Variants in CHMP5 observed in about 807,000 individuals in gnomAD.
CHMP5 encodes the protein charged multivesicular body protein 5, also known as SNF7 domain containing 2.
A neutral mutation model predicts 33.0 loss-of-function variants in CHMP5; 17 were observed. The ratio of observed to expected loss-of-function variants is 0.52; its 90% CI spans 0.35 to 0.77. CHMP5 has a LOEUF of 0.77. CHMP5 is among the 30% of genes least tolerant of loss of function. The pLI, the probability that CHMP5 is intolerant of heterozygous loss-of-function variation, is 0.01. For missense variants in CHMP5, 216 were observed against 261.5 expected (o/e 0.83, Z 1.20); for synonymous variants, 76 against 90.2 (o/e 0.84, Z 0.89).
At chr9:33,278,268 G>A in intron 7 of CHMP5, 43 bp downstream of exon 7, 2 of 1,163,770 alleles carry the variant, frequency 1.7e-6, no homozygotes, top group African/African-American at 1.5e-5. Context: ...AAATAGCAAA[G>A]GCTTTATGCT....
Position 33,265,998 on chromosome 9 carries a change from T to C in CHMP5, c.70-12T>C. The stretch of plus-strand genomic sequence containing the variant: ...GCAGTAACTACCAGTGCATTTGATA[T>C]TTTCCCCTAAGGTGGACAGTAGAGC... On this transcript the variant is annotated splice_polypyrimidine_tract_variant and intron_variant, in intron 1 of 7. Transcript: ENST00000223500. 1 of 1,581,018 alleles carries C rather than the reference T, an allele frequency of 6.3e-7. No homozygotes were observed. The highest frequency in any genetic ancestry group is 8.7e-7 in the Non-Finnish European group (1 of 1,150,816).
intron 6 of CHMP5, 134 bp downstream of exon 6, chr9:33,276,698 G>A: frequency 1.7e-6 from 1 of 598,784 alleles, no homozygotes; most frequent in South Asian, 2.1e-5. Flanking sequence ...CTGTCCCTGG[G>A]CAAAGAGCTT....
At chr9:33,268,018 T>C in intron 3 of CHMP5, 119 bp downstream of exon 3, 2 of 718,770 alleles carry the variant, frequency 2.8e-6, no homozygotes, top group African/African-American at 1.8e-5. Flanking sequence ...CAAATTTTCA[T>C]TGACGTGTAA....
At chr9:33,279,697 AC>A (rs1820898904) in intron 7 of CHMP5, among the ~76,000 whole-genome samples, 1 of 151,880 alleles carries the variant, frequency 6.6e-6, no homozygotes, top group South Asian at 2.1e-4. Flanking sequence ...CCCCGTCTCT[AC>A]TAAAAATATA....
At chr9:33,278,466 T>A (rs1820881172) in intron 7 of CHMP5, among the ~76,000 whole-genome samples, 2 of 152,230 alleles carry the variant, frequency 1.3e-5, no homozygotes, top group African/African-American at 4.8e-5. Context: ...ACATACATGA[T>A]CACCCTTGTT....
chr9:33,276,669 T>G (rs1477920372), intron 6 of CHMP5, 105 bp downstream of exon 6: 1 of 674,146 alleles, frequency 1.5e-6, no homozygotes, highest in Non-Finnish European at 2.6e-6. Flanking sequence ...CAGGATTTCC[T>G]GAAGGTTAGT....
intron 5 of CHMP5, among the ~76,000 whole-genome samples, chr9:33,275,169 G>A (rs773901965): frequency 2.0e-5 from 3 of 152,144 alleles, no homozygotes; most frequent in Non-Finnish European, 2.9e-5. Flanking sequence ...TCAACCAAAC[G>A]AGGATCGAAA....
chr9:33,267,807 T>C (rs1431128157), intron 2 of CHMP5, 46 bp from the exon 3 acceptor site: 2 of 1,317,838 alleles, frequency 1.5e-6, no homozygotes, highest in African/African-American at 1.4e-5. Flanking sequence ...TTTTACCGTA[T>C]ATGTGTTTTC....
rs749325077 is a variant in CHMP5, at chr9:33,278,112, G to C, written c.497-1G>C. 6.3e-7 allele frequency: 1 copy of C among 1,595,292 alleles called. No individual in the cohort carries two copies. The highest frequency in any genetic ancestry group is 2.2e-5 in the East Asian group (1 of 44,554). ...TTAAATGTTGACTGTTTCAATCTCA[G>C]AGTTGGATGCACTAGGTGATGAGCT... is the stretch of plus-strand genomic sequence containing the variant. On this transcript the variant is annotated splice_acceptor_variant, in intron 6 of 7. Coordinates refer to ENST00000223500, the MANE Select transcript of CHMP5 (RefSeq NM_016410.6). LOFTEE classifies it high-confidence loss of function.
chr9:33,274,988 A>C (rs760410758), intron 5 of CHMP5, among the ~76,000 whole-genome samples: 42 of 152,218 alleles, frequency 2.8e-4, no homozygotes, highest in Non-Finnish European at 4.1e-4. Flanking sequence ...CTCATTGAGT[A>C]ATGGCAAAAT....
intron 7 of CHMP5, 119 bp downstream of exon 7, chr9:33,278,344 A>C: frequency 3.1e-6 from 2 of 651,148 alleles, no homozygotes; most frequent in South Asian, 4.0e-5. Flanking sequence ...AGTCCTGGTC[A>C]TTATTTTGTG....
At chr9:33,273,928 T>C (rs1269645994) in intron 5 of CHMP5, among the ~76,000 whole-genome samples, 2 of 152,132 alleles carry the variant, frequency 1.3e-5, no homozygotes, top group Non-Finnish European at 2.9e-5. Flanking sequence ...TCTTTAATTA[T>C]TACTCAGCCA....
At position 33,272,795 on chromosome 9, in the gene CHMP5, G is replaced by A. The variant is rs142577284; in HGVS notation, c.387+1572G>A. On this transcript the variant is annotated intron_variant, in intron 5 of 7. Transcript: ENST00000223500. Reference sequence around the variant, plus strand: ...AGCCTGGGCGACAGAGCAAGACTCCGTCTCAAAAAAAAATAAAAGAGTGAA... The same window carrying A: ...AGCCTGGGCGACAGAGCAAGACTCCATCTCAAAAAAAAATAAAAGAGTGAA... Among the ~76,000 whole-genome samples the A allele has an allele frequency of 8.2e-3, 1,238 of 150,758 alleles. 17 individuals carry two copies. Among genetic ancestry groups the A allele is most frequent in the African/African-American group, 0.027 (1,108 of 41,166 alleles).
intron 6 of CHMP5, among the ~76,000 whole-genome samples, chr9:33,277,158 T>C (rs945008203): frequency 1.5e-5 from 2 of 133,444 alleles, no homozygotes; most frequent in East Asian, 4.3e-4. Flanking sequence ...ATTGCCCCAC[T>C]GCAGCCTGGG....
rs1175926904 is a variant in CHMP5, at chr9:33,281,859, G to A, written c.*1000G>A. ...GATTGTTAACAATAAAAAAGAAACT[G>A]CTTCATTCTTTTCTTGGAAGGTGCC... On this transcript the variant is annotated 3_prime_UTR_variant, in exon 8 of 8. Coordinates refer to ENST00000223500, the MANE Select transcript of CHMP5 (RefSeq NM_016410.6). The A allele has an allele frequency of 6.6e-6, 1 of 152,200 alleles. No homozygotes were observed. The highest frequency in any genetic ancestry group is 6.5e-5 in the Admixed American group (1 of 15,284). The allele number at this position is 152,200 out of a possible 1,614,324, so 9.4% of individuals were successfully genotyped here.
intron 5 of CHMP5, among the ~76,000 whole-genome samples, chr9:33,274,851 G>A (rs1820834109): frequency 6.6e-6 from 1 of 152,126 alleles, no homozygotes; most frequent in Non-Finnish European, 1.5e-5. Context: ...CCTGAGTTCA[G>A]GCAATCCACC....
chr9:33,272,242 C>T (rs1245188463), intron 5 of CHMP5, among the ~76,000 whole-genome samples: 1 of 151,938 alleles, frequency 6.6e-6, no homozygotes, highest in African/African-American at 2.4e-5. Context: ...TTGACCTTTA[C>T]CCCCCTGACT....
At chr9:33,266,345 G>A (rs1012550473) in intron 2 of CHMP5, among the ~76,000 whole-genome samples, 3 of 152,144 alleles carry the variant, frequency 2.0e-5, no homozygotes, top group Non-Finnish European at 4.4e-5. Context: ...GGTGGCAGGC[G>A]CCTGTAATCC....
chr9:33,276,522 A>T lies in CHMP5; in HGVS notation c.454A>T (p.Ser152Cys), dbSNP rs767210917. Residue 152 changes from serine to cysteine, a missense_variant, in exon 6 of 8, where the codon AGT becomes TGT. Coordinates refer to ENST00000223500, the MANE Select transcript of CHMP5 (RefSeq NM_016410.6). ...TGAAATCCAAGAAGCACTGAGTCGC[A>T]GTTATGGCACCCCAGAACTGGATGA... ...ANEIQEALSR[S>C]YGTPELDEDD... 3 of 1,611,004 alleles carry T rather than the reference A, an allele frequency of 1.9e-6. No homozygotes were observed.
Sources: gnomAD v4.1 joint callset for allele counts (sites outside exome capture counted in the v4.1 genomes callset) on GRCh38, gnomAD v4.1.1 for gene constraint, MANE v1.5 for transcripts, NCBI Gene and HGNC (gene_info 2026-07-23, HGNC 2026-07-21) for gene names.